CNTNAP2: variants seen among roughly 807,000 people sequenced by gnomAD.
CNTNAP2 encodes the protein contactin-associated protein-like 2.
In CNTNAP2, 98 loss-of-function variants were observed where a neutral mutation model predicts 155.2. That is an observed-to-expected ratio of 0.63 (90% confidence interval 0.54 to 0.75). The LOEUF (loss-of-function observed/expected upper bound fraction) is 0.75. Among genes scored for constraint, CNTNAP2 ranks in the 30% least tolerant of loss-of-function variants. The probability of loss-of-function intolerance (pLI) is 0.00; values close to 1 mark genes in which losing one functional copy is unlikely to be tolerated. For synonymous variants in CNTNAP2, 651 were observed against 631.2 expected (o/e 1.03, Z -0.47); for missense variants, 1,727 against 1,688.1 (o/e 1.02, Z -0.40).
At chr7:147,416,059 T>C (rs1797188971) in intron 10 of CNTNAP2, among the ~76,000 whole-genome samples, 1 of 152,244 alleles carries the variant, frequency 6.6e-6, no homozygotes, top group South Asian at 2.1e-4. Flanking sequence ...CTTATAGTTT[T>C]TGCAGTCTTA....
intron 2 of CNTNAP2, among the ~76,000 whole-genome samples, chr7:146,799,209 A>G (rs1802830567): frequency 6.6e-6 from 1 of 152,210 alleles, no homozygotes; most frequent in Non-Finnish European, 1.5e-5. Context: ...AGTGAAATAG[A>G]AAATGAAGTC....
At chr7:148,399,468 G>A (rs754839775) in intron 22 of CNTNAP2, among the ~76,000 whole-genome samples, 30 of 151,958 alleles carry the variant, frequency 2.0e-4, no homozygotes, top group Non-Finnish European at 3.4e-4. Flanking sequence ...GCCTTTAAAC[G>A]CATCCATAGC....
chr7:148,385,736 G>GTT (rs398006728), intron 22 of CNTNAP2, among the ~76,000 whole-genome samples: 33 of 95,326 alleles, frequency 3.5e-4, no homozygotes, highest in East Asian at 1.2e-3. Flanking sequence ...AGTGTGACAG[G>GTT]TTTTTTTTTT....
intron 14 of CNTNAP2, among the ~76,000 whole-genome samples, chr7:147,969,022 CAG>C: frequency 6.6e-6 from 1 of 152,262 alleles, no homozygotes; most frequent in East Asian, 1.9e-4. Flanking sequence ...AGGGTTAAAA[CAG>C]GGGGATCTCT....
At chr7:147,026,626 C>A (rs1392897634) in intron 3 of CNTNAP2, among the ~76,000 whole-genome samples, 1 of 146,062 alleles carries the variant, frequency 6.8e-6, no homozygotes, top group Admixed American at 6.8e-5. Context: ...CTTTCATTTT[C>A]TTTTTATTTT....
At chr7:146,993,281 T>G (rs1005719786) in intron 3 of CNTNAP2, among the ~76,000 whole-genome samples, 3 of 152,166 alleles carry the variant, frequency 2.0e-5, no homozygotes, top group Admixed American at 2.0e-4. Context: ...TGTCTGCATG[T>G]GCAGTGGGCT....
chr7:147,416,372 C>T (rs1797193727), intron 10 of CNTNAP2, among the ~76,000 whole-genome samples: 1 of 152,152 alleles, frequency 6.6e-6, no homozygotes, highest in Non-Finnish European at 1.5e-5. Flanking sequence ...GGCTGTCAAG[C>T]CACTGGATCA....
At chr7:147,620,981 C>T (rs1000742790) in intron 12 of CNTNAP2, among the ~76,000 whole-genome samples, 2 of 151,900 alleles carry the variant, frequency 1.3e-5, no homozygotes, top group South Asian at 2.1e-4. Context: ...CTAAAAGCAA[C>T]AAGAGAAAAG....
intron 21 of CNTNAP2, among the ~76,000 whole-genome samples, chr7:148,301,961 G>C (rs142406230): frequency 6.6e-6 from 1 of 152,332 alleles, no homozygotes; most frequent in African/African-American, 2.4e-5. Context: ...AGTTCCTGCT[G>C]TATGACACCA....
intron 1 of CNTNAP2, among the ~76,000 whole-genome samples, chr7:146,657,928 C>A (rs956008336): frequency 3.3e-5 from 5 of 151,496 alleles, no homozygotes; most frequent in Admixed American, 1.3e-4. Flanking sequence ...ATTAAAAAAA[C>A]CAATAATGCC....
At chr7:147,849,004 T>G (rs530874518) in intron 13 of CNTNAP2, among the ~76,000 whole-genome samples, 1 of 152,288 alleles carries the variant, frequency 6.6e-6, no homozygotes, top group South Asian at 2.1e-4. Context: ...TCCAGCTACG[T>G]ACTCTGAAAA....
At chr7:147,406,857 G>A (rs540285032) in intron 10 of CNTNAP2, among the ~76,000 whole-genome samples, 160 of 152,258 alleles carry the variant, frequency 1.1e-3, no homozygotes, top group African/African-American at 3.7e-3. Flanking sequence ...GATTTAAATA[G>A]ACCATTATCT....
intron 13 of CNTNAP2, among the ~76,000 whole-genome samples, chr7:147,733,541 T>C (rs969435389): frequency 2.6e-5 from 4 of 152,222 alleles, no homozygotes; most frequent in African/African-American, 7.2e-5. Context: ...AGTAGTTTTT[T>C]CCAATTCTGT....
chr7:146,728,872 C>T (rs1412103440), intron 1 of CNTNAP2, among the ~76,000 whole-genome samples: 1 of 152,086 alleles, frequency 6.6e-6, no homozygotes, highest in African/African-American at 2.4e-5. Flanking sequence ...GGGATGGCCT[C>T]TTAGTGCCAG....
intron 10 of CNTNAP2, among the ~76,000 whole-genome samples, chr7:147,396,423 A>C (rs528290429): frequency 1.3e-5 from 2 of 152,002 alleles, no homozygotes; most frequent in African/African-American, 4.8e-5. Flanking sequence ...ATATTACAAA[A>C]GTGTCAGTGT....
chr7:146,262,794 A>T (rs1799939411), intron 1 of CNTNAP2, among the ~76,000 whole-genome samples: 1 of 152,226 alleles, frequency 6.6e-6, no homozygotes, highest in Admixed American at 6.5e-5. Context: ...TGTTTAAAAA[A>T]TATGATTTTA....
At chr7:148,317,121 C>G (rs779609633) in intron 21 of CNTNAP2, among the ~76,000 whole-genome samples, 4 of 152,116 alleles carry the variant, frequency 2.6e-5, no homozygotes, top group Non-Finnish European at 4.4e-5. Flanking sequence ...TTTGGGAGGC[C>G]GAGGTGGGCA....
intron 1 of CNTNAP2, among the ~76,000 whole-genome samples, chr7:146,150,731 T>G (rs1562968553): frequency 1.3e-5 from 2 of 152,090 alleles, no homozygotes; most frequent in African/African-American, 4.8e-5. Context: ...AGAAATCTAC[T>G]ACATTTTTTG....
intron 1 of CNTNAP2, among the ~76,000 whole-genome samples, chr7:146,603,772 A>G (rs1232926901): frequency 6.6e-6 from 1 of 150,826 alleles, no homozygotes; most frequent in South Asian, 2.1e-4. Flanking sequence ...AATGCCACAT[A>G]ACTACAACTA....
Sources: gnomAD v4.1 joint callset for allele counts (sites outside exome capture counted in the v4.1 genomes callset) on GRCh38, gnomAD v4.1.1 for gene constraint, MANE v1.5 for transcripts, NCBI Gene and HGNC (gene_info 2026-07-23, HGNC 2026-07-21) for gene names.